Variants in DAB2IP observed in about 807,000 individuals in gnomAD.
The protein encoded by DAB2IP is DAB2 interacting protein.
Under a neutral mutation model 107.2 loss-of-function variants are expected in DAB2IP, and 28 were observed. The observed-to-expected ratio is 0.26, with a 90% CI of 0.19 to 0.36. DAB2IP has a LOEUF of 0.36. Among genes scored for constraint, DAB2IP ranks in the 10% least tolerant of loss-of-function variants. DAB2IP has a pLI of 1.00. For synonymous variants in DAB2IP, 755 were observed against 706.4 expected (o/e 1.07, Z -1.09); for missense variants, 1,400 against 1,644.7 (o/e 0.85, Z 2.57).
exon 11 of DAB2IP, chr9:121,770,593 C>T (rs1246219793): frequency 7.3e-5 from 118 of 1,614,016 alleles, no homozygotes; most frequent in Non-Finnish European, 9.7e-5. Flanking sequence ...TGAGGGACGT[C>T]CACACAGCAC....
In DAB2IP at chr9:121,694,892, G is replaced by C. The variant is rs548670752; in HGVS notation, c.229-4433G>C. The stretch of plus-strand genomic sequence containing the variant: ...CCTTGTGCAAAAGCCCTGGGGCCTT[G>C]GTTGACCTCAGCGTCGTGGCACAGC... On this transcript the variant is annotated intron_variant, in intron 2 of 15. Coordinates refer to ENST00000408936, the Ensembl canonical transcript of DAB2IP. 5.3e-5 allele frequency among the ~76,000 whole-genome samples: 8 copies of C among 152,306 alleles called. No individual in the cohort carries two copies. The East Asian group carries it at 1.5e-3, about 29-fold the overall frequency.
At chr9:121,707,581 G>T (rs1830123606) in intron 3 of DAB2IP, among the ~76,000 whole-genome samples, 1 of 152,348 alleles carries the variant, frequency 6.6e-6, no homozygotes, top group East Asian at 1.9e-4. Context: ...GATTGTAAAA[G>T]AGTGCACTGG....
intron 1 of DAB2IP, chr9:121,575,482 C>T (rs549552294): frequency 2.0e-4 from 31 of 152,266 alleles, no homozygotes; most frequent in African/African-American, 7.2e-4. Context: ...TTCCTACCAC[C>T]GAATGTGTTT....
intron 1 of DAB2IP, among the ~76,000 whole-genome samples, chr9:121,657,056 C>G (rs1052728651): frequency 2.0e-5 from 3 of 152,228 alleles, no homozygotes; most frequent in African/African-American, 4.8e-5. Flanking sequence ...CCGTTGGCAT[C>G]TGGTTGCCTC....
intron 3 of DAB2IP, among the ~76,000 whole-genome samples, chr9:121,749,866 A>T (rs1483649671): frequency 1.3e-5 from 2 of 152,170 alleles, no homozygotes; most frequent in African/African-American, 4.8e-5. Context: ...GGAAGTCCAT[A>T]TCTTGTCACT....
intron 2 of DAB2IP, among the ~76,000 whole-genome samples, chr9:121,691,124 T>C (rs963548429): frequency 6.6e-6 from 1 of 152,240 alleles, no homozygotes; most frequent in South Asian, 2.1e-4. Flanking sequence ...TTTCCTTTTA[T>C]ATCATTAAAT....
chr9:121,692,993 A>G (rs986697609), intron 2 of DAB2IP, among the ~76,000 whole-genome samples: 36 of 152,316 alleles, frequency 2.4e-4, no homozygotes, highest in African/African-American at 7.9e-4. Context: ...AGCTGCTCTG[A>G]CTTTATAGAA....
intron 6 of DAB2IP, among the ~76,000 whole-genome samples, chr9:121,761,913 G>T (rs1270658024): frequency 6.6e-6 from 1 of 152,188 alleles, no homozygotes; most frequent in African/African-American, 2.4e-5. Flanking sequence ...GGTTCCCAGG[G>T]CTGGGCTGGG....
chr9:121,603,089 C>T (rs1830742930), intron 1 of DAB2IP, among the ~76,000 whole-genome samples: 1 of 152,232 alleles, frequency 6.6e-6, no homozygotes, highest in Non-Finnish European at 1.5e-5. Flanking sequence ...CACCTTCTTC[C>T]TCCATCCTCC....
At chr9:121,679,408 G>T (rs1828455751) in intron 2 of DAB2IP, among the ~76,000 whole-genome samples, 1 of 113,108 alleles carries the variant, frequency 8.8e-6, no homozygotes, top group African/African-American at 5.3e-5. Context: ...CTGCATTTGT[G>T]CATGTACACA....
Position 121,702,471 on chromosome 9 carries a change from C to T in DAB2IP, c.362+3013C>T, listed in dbSNP as rs1309245341. ...TCTGAAACGGCCTCAGGGGAGGTTGCCAGCTGGTCTCCACAGTCTCTGGGT... is the reference window on the plus strand; with the variant it reads ...TCTGAAACGGCCTCAGGGGAGGTTGTCAGCTGGTCTCCACAGTCTCTGGGT... On this transcript the variant is annotated intron_variant, in intron 3 of 15. Coordinates refer to ENST00000408936, the Ensembl canonical transcript of DAB2IP. This position sits in a 1 kb window ranked among gnomAD's most constrained non-coding sequence, Gnocchi z 4.5. Among the ~76,000 whole-genome samples the T allele has an allele frequency of 6.6e-6, 1 of 152,134 alleles. No homozygotes were observed. The highest frequency in any genetic ancestry group is 2.4e-5 in the African/African-American group (1 of 41,422).
rs957037109 is a variant in DAB2IP at position 121,635,908 on chromosome 9, G to C, written c.41-42770G>C. On this transcript the variant is annotated intron_variant, in intron 1 of 16. Transcript: ENST00000259371. The surrounding 1 kb of genome is among the most constrained non-coding windows in gnomAD (Gnocchi z 4.3). ...GTCCCCTGTTTAGATGTCTTTTTTGGGGGGGGGTCTGGGGGATGGAGTCTT... is the reference window on the plus strand; with the variant it reads ...GTCCCCTGTTTAGATGTCTTTTTTGCGGGGGGGTCTGGGGGATGGAGTCTT... Among the ~76,000 whole-genome samples the C allele has an allele frequency of 2.9e-4, 17 of 58,748 alleles. No individual in the cohort carries two copies. Among genetic ancestry groups the C allele is most frequent in the South Asian group, 1.5e-3 (2 of 1,324 alleles). 38.5% of individuals were successfully genotyped at this position (58,748 alleles called of 152,430 possible). A position where few individuals can be genotyped will look rare whatever the true frequency, so the allele number is the denominator to read the frequency against.
intron 13 of DAB2IP, among the ~76,000 whole-genome samples, chr9:121,775,902 C>T (rs1835165459): frequency 6.6e-6 from 1 of 152,176 alleles, no homozygotes; most frequent in Admixed American, 6.5e-5. Flanking sequence ...AGTTCAAAGC[C>T]CTAGTTACAC....
At chr9:121,740,607 AC>A (rs1272389331) in intron 3 of DAB2IP, among the ~76,000 whole-genome samples, 34 of 151,902 alleles carry the variant, frequency 2.2e-4, no homozygotes, top group Admixed American at 1.5e-3. Flanking sequence ...ACCCCCAACA[AC>A]CCTGCCCCAA....
chr9:121,627,168 CAA>C (rs1564119876), intron 1 of DAB2IP, among the ~76,000 whole-genome samples: 21 of 148,074 alleles, frequency 1.4e-4, no homozygotes, highest in African/African-American at 5.2e-4. Flanking sequence ...CACACACACA[CAA>C]GCATATGTAA....
At chr9:121,567,352 C>A in intron 1 of DAB2IP, 1 of 1,444,494 alleles carries the variant, frequency 6.9e-7, no homozygotes, top group South Asian at 1.2e-5. Context: ...ACTGTCTGGT[C>A]TTGGGACCCA....
At chr9:121,683,376 C>G (rs1251221206) in intron 2 of DAB2IP, among the ~76,000 whole-genome samples, 2 of 152,184 alleles carry the variant, frequency 1.3e-5, no homozygotes, top group Non-Finnish European at 2.9e-5. Flanking sequence ...CTTCCTCCCT[C>G]CCTCCTTCCT....
intron 13 of DAB2IP, among the ~76,000 whole-genome samples, chr9:121,775,581 C>G (rs990869788): frequency 6.6e-6 from 1 of 152,220 alleles, no homozygotes; most frequent in Non-Finnish European, 1.5e-5. Context: ...CACGCCGCTT[C>G]CCAGCCTCGT....
chr9:121,627,257 G>A (rs75123467), intron 1 of DAB2IP, among the ~76,000 whole-genome samples: 7 of 151,928 alleles, frequency 4.6e-5, no homozygotes, highest in South Asian at 2.1e-4. Context: ...CCACGGTGTC[G>A]GTATACACAT....
Sources: allele counts gnomAD v4.1 joint callset (sites outside exome capture counted in the v4.1 genomes callset), GRCh38; gene constraint gnomAD v4.1.1; non-coding constraint Gnocchi (gnomAD v3.1); transcripts MANE v1.5; gene names NCBI Gene and HGNC (gene_info 2026-07-23, HGNC 2026-07-21).